CNTN5: variants seen among roughly 807,000 people sequenced by gnomAD.
CNTN5 encodes the protein contactin 5, also known as contactin-5.
A neutral mutation model predicts 129.1 loss-of-function variants in CNTN5; 77 were observed. The observed-to-expected ratio is 0.60, with a 90% CI of 0.50 to 0.72. The LOEUF (loss-of-function observed/expected upper bound fraction) is 0.72. Ranked by LOEUF, CNTN5 falls within the 30% of genes least tolerant of loss-of-function variation. The pLI is 0.00. For missense variants in CNTN5, 1,478 were observed against 1,328.8 expected (o/e 1.11, Z -1.75); for synonymous variants, 509 against 465.6 (o/e 1.09, Z -1.20).
chr11:99,624,247 T>C (rs1447220518), intron 3 of CNTN5, among the ~76,000 whole-genome samples: 2 of 142,514 alleles, frequency 1.4e-5, no homozygotes. Flanking sequence ...CTTATCTATA[T>C]AATAGTTGTT....
At chr11:99,372,673 C>G (rs1939894947) in intron 2 of CNTN5, among the ~76,000 whole-genome samples, 1 of 152,052 alleles carries the variant, frequency 6.6e-6, no homozygotes, top group African/African-American at 2.4e-5. Flanking sequence ...ATAGGACGCA[C>G]TTTTTTTCTT....
At chr11:99,813,060 C>T (rs1300018903) in intron 3 of CNTN5, among the ~76,000 whole-genome samples, 1 of 152,022 alleles carries the variant, frequency 6.6e-6, no homozygotes, top group Non-Finnish European at 1.5e-5. Flanking sequence ...ATTGTAAATT[C>T]CACAAGTCAG....
intron 6 of CNTN5, among the ~76,000 whole-genome samples, chr11:99,860,950 A>ATTTTTTTTTTTTTTTTTTTTTT: frequency 1.1e-5 from 1 of 91,030 alleles, no homozygotes; most frequent in Non-Finnish European, 2.0e-5. Flanking sequence ...ATATGTCTTC[A>ATTTTTTTTTTTTTTTTTTTTTT]TTTTTTTTTT....
At position 100,193,562 on chromosome 11, in the gene CNTN5, G is replaced by A; in HGVS notation, c.1783G>A (p.Ala595Thr). 3 of 1,611,490 alleles carry A rather than the reference G, an allele frequency of 1.9e-6. No individual in the cohort carries two copies. The highest frequency in any genetic ancestry group is 2.5e-6 in the Non-Finnish European group (3 of 1,178,428). The change falls in exon 15 of 25, where the codon GCA becomes ACA. Residue 595 changes from alanine to threonine, a missense_variant. By Grantham distance (58) the Ala-to-Thr change is moderately conservative. Coordinates refer to ENST00000524871, the MANE Select transcript of CNTN5 (RefSeq NM_014361.4). ...VGESIVLNCK[A>T]IHDASLDVTF... is the part of the protein sequence containing the mutation. ...AGAAAGCATTGTCCTTAATTGCAAA[G>A]CAATTCACGATGCTAGTTTGGATGT...
intron 3 of CNTN5, among the ~76,000 whole-genome samples, chr11:99,592,066 T>C (rs1468697452): frequency 1.3e-5 from 2 of 152,192 alleles, no homozygotes; most frequent in African/African-American, 4.8e-5. Flanking sequence ...ATTGGAAGCA[T>C]ATGAAATTTG....
At chr11:99,467,596 T>G (rs1425336184) in intron 2 of CNTN5, among the ~76,000 whole-genome samples, 11 of 152,148 alleles carry the variant, frequency 7.2e-5, no homozygotes. Flanking sequence ...TTTTTCAAAA[T>G]TTTAATTACT....
chr11:99,163,601 C>T (rs1287975447), intron 1 of CNTN5, among the ~76,000 whole-genome samples: 4 of 151,940 alleles, frequency 2.6e-5, no homozygotes, highest in Admixed American at 2.6e-4. Flanking sequence ...ACTTCTTTAC[C>T]TAAAGTTTAT....
At chr11:99,362,298 T>G (rs777307919) in intron 2 of CNTN5, among the ~76,000 whole-genome samples, 3 of 152,056 alleles carry the variant, frequency 2.0e-5, no homozygotes, top group Non-Finnish European at 2.9e-5. Context: ...GAAATGTCTG[T>G]TCAAGTCCTT....
chr11:99,818,219 A>G (rs185107826), intron 3 of CNTN5, among the ~76,000 whole-genome samples: 193 of 152,174 alleles, frequency 1.3e-3, no homozygotes, highest in South Asian at 0.012. Context: ...TTAGTTAGCA[A>G]TGATTATTAA....
intron 2 of CNTN5, among the ~76,000 whole-genome samples, chr11:99,342,447 G>A (rs925085874): frequency 1.3e-5 from 2 of 151,096 alleles, no homozygotes; most frequent in African/African-American, 4.9e-5. Flanking sequence ...TATTTAAGAA[G>A]CAGGCAAACA....
At chr11:99,188,780 A>C (rs1858481939) in intron 1 of CNTN5, among the ~76,000 whole-genome samples, 1 of 151,732 alleles carries the variant, frequency 6.6e-6, no homozygotes, top group African/African-American at 2.4e-5. Flanking sequence ...TTGTCTTGAA[A>C]TATGTATACA....
chr11:100,296,233 C>G (rs1303490053), intron 18 of CNTN5, among the ~76,000 whole-genome samples: 1 of 151,530 alleles, frequency 6.6e-6, no homozygotes, highest in Non-Finnish European at 1.5e-5. Flanking sequence ...TGATATCTCA[C>G]AGTCTGTTAC....
intron 9 of CNTN5, among the ~76,000 whole-genome samples, chr11:100,051,601 A>G (rs1942959108): frequency 1.3e-5 from 2 of 151,976 alleles, no homozygotes; most frequent in South Asian, 2.1e-4. Flanking sequence ...AGATAGTAGA[A>G]GAAAAGAAAG....
At chr11:99,831,566 A>G (rs1488629516) in intron 4 of CNTN5, among the ~76,000 whole-genome samples, 1 of 152,118 alleles carries the variant, frequency 6.6e-6, no homozygotes, top group African/African-American at 2.4e-5. Context: ...ACCAAGATTC[A>G]GAAAGCTATA....
At chr11:100,236,280 G>C (rs1448391110) in intron 16 of CNTN5, among the ~76,000 whole-genome samples, 2 of 152,136 alleles carry the variant, frequency 1.3e-5, no homozygotes, top group East Asian at 3.9e-4. Context: ...TGCACTCCCA[G>C]AGCTGGCTGC....
At chr11:100,273,747 G>C (rs145555760) in intron 18 of CNTN5, among the ~76,000 whole-genome samples, 17 of 152,066 alleles carry the variant, frequency 1.1e-4, no homozygotes, top group Non-Finnish European at 1.8e-4. Flanking sequence ...CCAGGAACCC[G>C]CTAGCACTCA....
intron 3 of CNTN5, among the ~76,000 whole-genome samples, chr11:99,815,304 A>C (rs970395208): frequency 1.3e-5 from 2 of 151,014 alleles, no homozygotes; most frequent in Admixed American, 6.6e-5. Context: ...CAATGAAACA[A>C]CATTTCCCAC....
chr11:100,282,123 G>A (rs976844601), intron 18 of CNTN5, among the ~76,000 whole-genome samples: 2 of 151,440 alleles, frequency 1.3e-5, no homozygotes, highest in African/African-American at 2.4e-5. Flanking sequence ...CTGAAGTCGT[G>A]TTTTCCTGGA....
At chr11:99,058,460 G>T (rs965297663) in intron 1 of CNTN5, among the ~76,000 whole-genome samples, 1 of 151,458 alleles carries the variant, frequency 6.6e-6, no homozygotes, top group Non-Finnish European at 1.5e-5. Flanking sequence ...ATATATATGT[G>T]TATATATATA....
Sources: allele counts gnomAD v4.1 joint callset (sites outside exome capture counted in the v4.1 genomes callset), GRCh38; gene constraint gnomAD v4.1.1; transcripts MANE v1.5; gene names NCBI Gene and HGNC (gene_info 2026-07-23, HGNC 2026-07-21).